The following CAPN7 variants were observed in gnomAD, a reference collection of about 807,000 sequenced individuals.
The protein encoded by CAPN7 is calpain 7.
A neutral mutation model predicts 115.2 loss-of-function variants in CAPN7; 72 were observed. The ratio of observed to expected loss-of-function variants is 0.63; its 90% CI spans 0.52 to 0.76. The LOEUF is 0.76. CAPN7 is among the 30% of genes least tolerant of loss of function. The pLI, the probability that CAPN7 is intolerant of heterozygous loss-of-function variation, is 0.00. For missense variants in CAPN7, 905 were observed against 971.5 expected (o/e 0.93, Z 0.91); for synonymous variants, 344 against 322.3 (o/e 1.07, Z -0.72).
intron 16 of CAPN7, among the ~76,000 whole-genome samples, chr3:15,244,304 A>G (rs1022094380): frequency 1.3e-5 from 2 of 152,212 alleles, no homozygotes; most frequent in African/African-American, 4.8e-5. Flanking sequence ...ATATCGAGTT[A>G]AACTAGCCAA....
chr3:15,241,493 A>G lies in CAPN7; in HGVS notation c.1693A>G (p.Ser565Gly), dbSNP rs774497566. ...GCAAGGACCTGTGAAAGATGCCTAT[A>G]GCCTGGCCAACAACCCCCAGTACAA... ...AKQGPVKDAY[S>G]LANNPQYKLE... The change falls in exon 15 of 21, where the codon AGC becomes GGC. Residue 565 changes from serine to glycine, a missense_variant. Physicochemically the swap from Ser to Gly is moderately conservative, Grantham distance 56. Coordinates refer to ENST00000253693, the MANE Select transcript of CAPN7 (RefSeq NM_014296.3). 7 of 1,614,078 alleles carry G rather than the reference A, an allele frequency of 4.3e-6. No homozygotes were observed. In the African/African-American group the frequency reaches 9.3e-5, roughly 22 times the overall value.
intron 6 of CAPN7, among the ~76,000 whole-genome samples, chr3:15,225,298 T>C (rs1264674807): frequency 6.6e-6 from 1 of 152,242 alleles, no homozygotes; most frequent in African/African-American, 2.4e-5. Flanking sequence ...AAGGAACTAT[T>C]TAGAGATATA....
rs192890824 is a variant in CAPN7, at chr3:15,250,849, A to G, written c.2205-82A>G. 115 of 955,020 alleles carry G rather than the reference A, an allele frequency of 1.2e-4. 1 individual carries two copies. The Middle Eastern group carries it at 3.7e-3, about 31-fold the overall frequency. 59.2% of individuals were successfully genotyped at this position (955,020 alleles called of 1,614,324 possible). ...TTCAGAAACATAAACTTAGTATGAC[A>G]TCTGCACTTCAGATAAAGTTATTTT... On this transcript the variant is annotated intron_variant, in intron 19 of 20. Transcript: ENST00000253693.
intron 9 of CAPN7, among the ~76,000 whole-genome samples, 173 bp from the exon 10 acceptor site, chr3:15,232,346 A>G (rs963503010): frequency 6.6e-6 from 1 of 152,260 alleles, no homozygotes; most frequent in Non-Finnish European, 1.5e-5. Context: ...AAGACATCAT[A>G]TTAAAAAGAA....
At chr3:15,227,761 T>C (rs1694413818) in intron 6 of CAPN7, 78 bp from the exon 7 acceptor site, 2 of 919,496 alleles carry the variant, frequency 2.2e-6, no homozygotes, top group Non-Finnish European at 3.0e-6. Flanking sequence ...AAAAAAAAAA[T>C]CTCTAGGAAA....
intron 9 of CAPN7, among the ~76,000 whole-genome samples, chr3:15,231,334 A>T (rs771670455): frequency 3.3e-5 from 5 of 152,200 alleles, no homozygotes; most frequent in Non-Finnish European, 5.9e-5. Context: ...ACAAGATTCC[A>T]GGTGATGCTG....
rs775365951 is a variant in CAPN7 at position 15,212,163 on chromosome 3, A to G, written c.162A>G (p.Gln54=). The G allele has an allele frequency of 7.4e-6, 12 of 1,611,166 alleles. No homozygotes were observed. The highest frequency in any genetic ancestry group is 8.5e-7 in the Non-Finnish European group (1 of 1,178,322). The part of the protein sequence containing the change: ...EMAGSSLENI[Q]EKITEYLERV... ...CAGGATCAAGCCTAGAAAATATTCA[A>G]GAAAAAATAACTGAGTATCTGGAAA... The change falls in exon 2 of 21, where the codon CAA becomes CAG. Residue 54 remains glutamine, a synonymous_variant. Coordinates refer to ENST00000253693, the MANE Select transcript of CAPN7 (RefSeq NM_014296.3).
At chr3:15,226,930 A>C (rs994297258) in intron 6 of CAPN7, among the ~76,000 whole-genome samples, 1 of 152,082 alleles carries the variant, frequency 6.6e-6, no homozygotes, top group Non-Finnish European at 1.5e-5. Context: ...TTTGAAAACC[A>C]AGGATTTGTT....
chr3:15,221,061 A>G, intron 5 of CAPN7, 80 bp downstream of exon 5: 1 of 1,117,400 alleles, frequency 8.9e-7, no homozygotes, highest in African/African-American at 1.5e-5. Flanking sequence ...GGTTTGCTGA[A>G]TTGTATTCAG....
At chr3:15,244,321 C>CT (rs1695530747) in intron 16 of CAPN7, among the ~76,000 whole-genome samples, 1 of 152,098 alleles carries the variant, frequency 6.6e-6, no homozygotes, top group Admixed American at 6.6e-5. Context: ...CCAAGCTTTC[C>CT]TTTTTTTAAA....
chr3:15,225,584 T>C (rs2124934697), intron 6 of CAPN7, among the ~76,000 whole-genome samples: 1 of 152,362 alleles, frequency 6.6e-6, no homozygotes, highest in South Asian at 2.1e-4. Flanking sequence ...TACGTAGCCA[T>C]GCAGACTCCC....
At chr3:15,206,712 C>G (rs1312306436) in intron 1 of CAPN7, 115 bp downstream of exon 1, 3 of 723,228 alleles carry the variant, frequency 4.1e-6, no homozygotes, top group Non-Finnish European at 6.7e-6. Flanking sequence ...TTGCTTTTCC[C>G]TCGTCCGCCT....
At chr3:15,213,606 T>G (rs1254315450) in intron 2 of CAPN7, among the ~76,000 whole-genome samples, 1 of 152,218 alleles carries the variant, frequency 6.6e-6, no homozygotes, top group Admixed American at 6.5e-5. Flanking sequence ...TCAAGCACAT[T>G]TATGCCCTAG....
chr3:15,235,073 A>G lies in CAPN7; in HGVS notation c.1335A>G (p.Thr445=). The G allele has an allele frequency of 1.9e-6, 3 of 1,613,612 alleles. No individual in the cohort carries two copies. Among genetic ancestry groups the G allele is most frequent in the African/African-American group, 2.7e-5 (2 of 75,058 alleles). ...VLITASTGMM[T]EAEGEKWGLV... is the part of the protein sequence containing the mutation. Reference sequence around the variant, plus strand: ...TCACTGCGTCAACTGGAATGATGACAGAAGCTGAAGGAGAGAAGTGGGGTC... The same window carrying G: ...TCACTGCGTCAACTGGAATGATGACGGAAGCTGAAGGAGAGAAGTGGGGTC... The change falls in exon 12 of 21, where the codon ACA becomes ACG. Residue 445 remains threonine (T), a synonymous_variant. Coordinates refer to ENST00000253693, the MANE Select transcript of CAPN7 (RefSeq NM_014296.3).
chr3:15,215,022 T>C (rs1453481086), intron 2 of CAPN7, among the ~76,000 whole-genome samples: 2 of 152,240 alleles, frequency 1.3e-5, no homozygotes, highest in East Asian at 1.9e-4. Context: ...AATGCCAGGC[T>C]GAGAAACACT....
chr3:15,218,966 A>G (rs544067098), intron 4 of CAPN7, among the ~76,000 whole-genome samples: 16 of 152,368 alleles, frequency 1.1e-4, no homozygotes, highest in East Asian at 7.7e-4. Context: ...CAACTTTTCA[A>G]TGAAGCCTGC....
chr3:15,209,085 G>A (rs1294634728), intron 1 of CAPN7, among the ~76,000 whole-genome samples: 1 of 151,694 alleles, frequency 6.6e-6, no homozygotes, highest in Non-Finnish European at 1.5e-5. Flanking sequence ...ATCTCGACTC[G>A]CTGCAACCTC....
At chr3:15,243,982 C>T (rs888850133) in intron 16 of CAPN7, among the ~76,000 whole-genome samples, 2 of 152,178 alleles carry the variant, frequency 1.3e-5, no homozygotes, top group African/African-American at 4.8e-5. Flanking sequence ...AGCATCGTGG[C>T]AGTCAGTCAT....
At chr3:15,232,135 A>C in intron 9 of CAPN7, 1 of 403,426 alleles carries the variant, frequency 2.5e-6, no homozygotes, top group Non-Finnish European at 4.8e-6. Context: ...GAACATCTCT[A>C]ATCTGAAAAT....
Sources: gnomAD v4.1 joint callset for allele counts (sites outside exome capture counted in the v4.1 genomes callset) on GRCh38, gnomAD v4.1.1 for gene constraint, MANE v1.5 for transcripts, NCBI Gene and HGNC (gene_info 2026-07-23, HGNC 2026-07-21) for gene names.